ST3GAL4: variants seen among roughly 807,000 people sequenced by gnomAD.
ST3GAL4 encodes the protein ST3 beta-galactoside alpha-2,3-sialyltransferase 4.
In ST3GAL4, 24 loss-of-function variants were observed where a neutral mutation model predicts 42.6. The observed-to-expected ratio is 0.56, with a 90% CI of 0.41 to 0.79. ST3GAL4 has a LOEUF of 0.79. Ranked by LOEUF, ST3GAL4 falls within the 30% of genes least tolerant of loss-of-function variation. The pLI, the probability that ST3GAL4 is intolerant of heterozygous loss-of-function variation, is 0.00. For synonymous variants in ST3GAL4, 135 were observed against 163.2 expected (o/e 0.83, Z 1.32); for missense variants, 311 against 430.8 (o/e 0.72, Z 2.46).
rs1173835119 is a variant in ST3GAL4, at chr11:126,397,009, G to A, written c.-60-9087G>A. Among the ~76,000 whole-genome samples, 2 of 152,058 alleles carry A rather than the reference G, an allele frequency of 1.3e-5. No individual in the cohort carries two copies. Among genetic ancestry groups the A allele is most frequent in the African/African-American group, 4.8e-5 (2 of 41,352 alleles). ...TGGTGTCTAGTAGGTAGAGGCCAGA[G>A]ATGGCTGCTAAACACCCCATAATAC... On this transcript the variant is annotated intron_variant, in intron 1 of 10. Coordinates refer to ENST00000444328, the MANE Select transcript of ST3GAL4 (RefSeq NM_001254757.2). This position sits in a 1 kb window ranked among gnomAD's most constrained non-coding sequence, Gnocchi z 5.0.
chr11:126,403,832 C>T (rs1954112298), intron 1 of ST3GAL4, among the ~76,000 whole-genome samples: 1 of 152,150 alleles, frequency 6.6e-6, no homozygotes, highest in Non-Finnish European at 1.5e-5. Context: ...GAATGCAAAT[C>T]CCCGCCTGCC....
At chr11:126,404,054 A>T (rs570360676) in intron 1 of ST3GAL4, among the ~76,000 whole-genome samples, 46 of 152,208 alleles carry the variant, frequency 3.0e-4, no homozygotes, top group African/African-American at 7.0e-4. Context: ...CATTTAAAAA[A>T]TTTTTTTTGT....
chr11:126,356,945 T>C (rs927387839), intron 1 of ST3GAL4, among the ~76,000 whole-genome samples: 1 of 152,212 alleles, frequency 6.6e-6, no homozygotes, highest in African/African-American at 2.4e-5. Context: ...CCCTGGCATC[T>C]GCCAGGGGGA....
Position 126,386,916 on chromosome 11 carries a change from C to T in ST3GAL4, c.-60-19180C>T, listed in dbSNP as rs191778584. 2.8e-4 allele frequency among the ~76,000 whole-genome samples: 43 copies of T among 152,214 alleles called. No homozygotes were observed. Among genetic ancestry groups the T allele is most frequent in the African/African-American group, 8.2e-4 (34 of 41,546 alleles). Reference sequence around the variant, plus strand: ...ACACACACACCCCTCCCCCACCCCGCTGGAGAAGCCCTGCACCAGAGCATA... The same window carrying T: ...ACACACACACCCCTCCCCCACCCCGTTGGAGAAGCCCTGCACCAGAGCATA... On this transcript the variant is annotated intron_variant, in intron 1 of 10. Transcript: ENST00000444328. The surrounding 1 kb of genome is among the most constrained non-coding windows in gnomAD (Gnocchi z 4.7).
intron 1 of ST3GAL4, chr11:126,358,635 C>T: frequency 3.5e-6 from 1 of 286,286 alleles, no homozygotes; most frequent in South Asian, 2.6e-5. Context: ...ACTGGAGCCC[C>T]TGAGCCCTGC....
rs1953133044 is a variant in ST3GAL4, at chr11:126,384,377, C to T, written c.-60-21719C>T. 6.6e-6 allele frequency among the ~76,000 whole-genome samples: 1 copy of T among 152,150 alleles called. No homozygotes were observed. The highest frequency in any genetic ancestry group is 1.5e-5 in the Non-Finnish European group (1 of 68,032). ...TGTGGGGCAGGGCTGGAATTTGTGG[C>T]ACCTGTGTAGGGACTCCAGGGCTGA... On this transcript the variant is annotated intron_variant, in intron 1 of 10. Transcript: ENST00000444328. The surrounding 1 kb of genome is among the most constrained non-coding windows in gnomAD (Gnocchi z 5.5).
intron 1 of ST3GAL4, among the ~76,000 whole-genome samples, chr11:126,403,982 G>A (rs1473874649): frequency 2.0e-5 from 3 of 152,298 alleles, no homozygotes; most frequent in Non-Finnish European, 4.4e-5. Context: ...GGGCTTCAGC[G>A]AATTCCAGTG....
intron 1 of ST3GAL4, among the ~76,000 whole-genome samples, chr11:126,365,823 G>A (rs617707): frequency 0.012 from 1,895 of 152,194 alleles, 18 homozygotes; most frequent in African/African-American, 0.015. Flanking sequence ...AGGCTGAGAC[G>A]GGCCCAGAGG....
In ST3GAL4 at chr11:126,397,584, G is replaced by A. The variant is rs1197639587; in HGVS notation, c.-60-8512G>A. The stretch of plus-strand genomic sequence containing the variant: ...ATTACCAGAGTGGGATGGTCCCAGC[G>A]AGCGGGATGTGGAGGGTTAGGATGT... On this transcript the variant is annotated intron_variant, in intron 1 of 10. Coordinates refer to ENST00000444328, the MANE Select transcript of ST3GAL4 (RefSeq NM_001254757.2). The surrounding 1 kb of genome is among the most constrained non-coding windows in gnomAD (Gnocchi z 5.0). 6.6e-6 allele frequency among the ~76,000 whole-genome samples: 1 copy of A among 152,188 alleles called. No individual in the cohort carries two copies. The highest frequency in any genetic ancestry group is 2.4e-5 in the African/African-American group (1 of 41,440).
At chr11:126,370,031 T>G (rs1197268784) in intron 1 of ST3GAL4, among the ~76,000 whole-genome samples, 1 of 152,244 alleles carries the variant, frequency 6.6e-6, no homozygotes, top group Admixed American at 6.5e-5. Context: ...GTGTGCCTAA[T>G]TTTTTAAAAC....
chr11:126,389,235 G>T (rs1953375658), intron 1 of ST3GAL4, among the ~76,000 whole-genome samples: 1 of 152,010 alleles, frequency 6.6e-6, no homozygotes, highest in African/African-American at 2.4e-5. Flanking sequence ...CTATTAATAT[G>T]AAAATATCTC....
intron 1 of ST3GAL4, among the ~76,000 whole-genome samples, chr11:126,356,916 C>T (rs1284262967): frequency 6.6e-6 from 1 of 152,214 alleles, no homozygotes; most frequent in African/African-American, 2.4e-5. Context: ...CTACAGACTC[C>T]ACCTCCTCTA....
In ST3GAL4 at chr11:126,411,562, T is replaced by G. The variant is rs1210557867; in HGVS notation, c.772-1943T>G. Reference sequence around the variant, plus strand: ...GGTGTGGCTGGTTCTCTGTTTAGGGTGTCACAAGGCTGGACTCGGTGTGTC... The same window carrying G: ...GGTGTGGCTGGTTCTCTGTTTAGGGGGTCACAAGGCTGGACTCGGTGTGTC... On this transcript the variant is annotated intron_variant, in intron 9 of 10. Coordinates refer to ENST00000444328, the MANE Select transcript of ST3GAL4 (RefSeq NM_001254757.2). This position sits in a 1 kb window ranked among gnomAD's most constrained non-coding sequence, Gnocchi z 6.3. 6.6e-6 allele frequency among the ~76,000 whole-genome samples: 1 copy of G among 152,106 alleles called. No individual in the cohort carries two copies. The highest frequency in any genetic ancestry group is 2.4e-5 in the African/African-American group (1 of 41,430).
In ST3GAL4 at chr11:126,363,254, T is replaced by C. The variant is rs1259728423; in HGVS notation, c.-61+7412T>C. On this transcript the variant is annotated intron_variant, in intron 1 of 10. Transcript: ENST00000444328. This position sits in a 1 kb window ranked among gnomAD's most constrained non-coding sequence, Gnocchi z 4.6. Reference sequence around the variant, plus strand: ...TTCTTCAATCCCTTTCTGTCTGCCTTCTCTTTCCACCCCTAGATTTCTCAC... The same window carrying C: ...TTCTTCAATCCCTTTCTGTCTGCCTCCTCTTTCCACCCCTAGATTTCTCAC... Among the ~76,000 whole-genome samples, 3 of 152,234 alleles carry C rather than the reference T, an allele frequency of 2.0e-5. No individual in the cohort carries two copies. Among genetic ancestry groups the C allele is most frequent in the Non-Finnish European group, 2.9e-5 (2 of 68,032 alleles).
In ST3GAL4 at chr11:126,366,380, T is replaced by G. The variant is rs1565394117; in HGVS notation, c.-61+10538T>G. On this transcript the variant is annotated intron_variant, in intron 1 of 10. Transcript: ENST00000444328. The surrounding 1 kb of genome is among the most constrained non-coding windows in gnomAD (Gnocchi z 4.2). Reference sequence around the variant, plus strand: ...GGGGGCGTGCAGAGAGGAGGAGGACTGAGAGCTGGGTGTGTGTGTGCGCAT... The same window carrying G: ...GGGGGCGTGCAGAGAGGAGGAGGACGGAGAGCTGGGTGTGTGTGTGCGCAT... 6.6e-6 allele frequency among the ~76,000 whole-genome samples: 1 copy of G among 152,018 alleles called. No individual in the cohort carries two copies. Among genetic ancestry groups the G allele is most frequent in the South Asian group, 2.1e-4 (1 of 4,820 alleles).
chr11:126,361,972 C>T (rs370389480), intron 1 of ST3GAL4, among the ~76,000 whole-genome samples: 39 of 151,322 alleles, frequency 2.6e-4, no homozygotes, highest in African/African-American at 8.7e-4. Flanking sequence ...ATCTCTGCCT[C>T]CTGGGTTCAA....
rs142308810 is a variant in ST3GAL4, at chr11:126,400,354, G to A, written c.-60-5742G>A. Among the ~76,000 whole-genome samples, 93 of 152,312 alleles carry A rather than the reference G, an allele frequency of 6.1e-4. No individual in the cohort carries two copies. Among genetic ancestry groups the A allele is most frequent in the Middle Eastern group, 3.4e-3 (1 of 294 alleles). ...GCATTAACCCATCCATGAGAGCAGA[G>A]CCCCATGATCTAAACACCTTTTATT... On this transcript the variant is annotated intron_variant, in intron 1 of 10. Transcript: ENST00000444328. This position sits in a 1 kb window ranked among gnomAD's most constrained non-coding sequence, Gnocchi z 4.6.
At chr11:126,367,001 A>C (rs1363059763) in intron 1 of ST3GAL4, among the ~76,000 whole-genome samples, 1 of 152,028 alleles carries the variant, frequency 6.6e-6, no homozygotes, top group African/African-American at 2.4e-5. Context: ...TGTCATCTGC[A>C]GAGGGAGCAC....
Position 126,384,982 on chromosome 11 carries a change from G to A in ST3GAL4, c.-60-21114G>A, listed in dbSNP as rs768886581. 96 of 904,818 alleles carry A rather than the reference G, an allele frequency of 1.1e-4. No homozygotes were observed. Among genetic ancestry groups the A allele is most frequent in the Non-Finnish European group, 1.2e-4 (94 of 756,490 alleles). 56.0% of individuals were successfully genotyped at this position (904,818 alleles called of 1,614,324 possible). On this transcript the variant is annotated intron_variant, in intron 1 of 10. Transcript: ENST00000444328. The surrounding 1 kb of genome is among the most constrained non-coding windows in gnomAD (Gnocchi z 5.5). ...ACCAGGTGTCGCTGGCACCTTCCAC[G>A]TCCTGAGTGCTTGTTCTGTGCCCAG... is the stretch of plus-strand genomic sequence containing the variant.
Sources: allele counts gnomAD v4.1 joint callset (sites outside exome capture counted in the v4.1 genomes callset), GRCh38; gene constraint gnomAD v4.1.1; non-coding constraint Gnocchi (gnomAD v3.1); transcripts MANE v1.5; gene names NCBI Gene and HGNC (gene_info 2026-07-23, HGNC 2026-07-21).